The following RABGEF1 variants were observed in gnomAD, a reference collection of about 807,000 sequenced individuals.
The protein encoded by RABGEF1 is RAB guanine nucleotide exchange factor 1.
Under a neutral mutation model 57.3 loss-of-function variants are expected in RABGEF1, and 26 were observed. The observed-to-expected ratio is 0.45, with a 90% CI of 0.33 to 0.63. The LOEUF (loss-of-function observed/expected upper bound fraction) is 0.63. RABGEF1 is among the 20% of genes least tolerant of loss of function. The pLI is 0.02. For synonymous variants in RABGEF1, 185 were observed against 210.7 expected, an observed-to-expected ratio of 0.88 and a Z score of 1.06; for missense variants, 464 against 607.6, an observed-to-expected ratio of 0.76 and a Z score of 2.48.
At chr7:66,774,764 A>G (rs537479407) in intron 2 of RABGEF1, among the ~76,000 whole-genome samples, 1 of 152,126 alleles carries the variant, frequency 6.6e-6, no homozygotes, top group Non-Finnish European at 1.5e-5. Context: ...TGTCTCAAAA[A>G]CAACCAAAAA....
At chr7:66,662,472 A>G in the RABGEF1 span, among the ~76,000 whole-genome samples, 1 of 152,176 alleles carries the variant, frequency 6.6e-6, no homozygotes, top group African/African-American at 2.4e-5. Flanking sequence ...AGACCCTGAG[A>G]AACTTCTACC....
At chr7:66,768,078 C>T (rs562849408) in intron 1 of RABGEF1, among the ~76,000 whole-genome samples, 4 of 152,226 alleles carry the variant, frequency 2.6e-5, no homozygotes, top group Non-Finnish European at 4.4e-5. Flanking sequence ...TAACCGTTTG[C>T]GTATAGAATT....
At chr7:66,694,028 C>T (rs981714707) in intron 1 of RABGEF1, among the ~76,000 whole-genome samples, 4 of 152,092 alleles carry the variant, frequency 2.6e-5, no homozygotes, top group Non-Finnish European at 5.9e-5. Flanking sequence ...AGGCTGGTCT[C>T]GAACTCCTGG....
chr7:66,790,831 T>TA (rs1812478587), intron 4 of RABGEF1, among the ~76,000 whole-genome samples: 1 of 152,210 alleles, frequency 6.6e-6, no homozygotes, highest in South Asian at 2.1e-4. Context: ...ACTTACTTAG[T>TA]AAAAAAGGCC....
intron 1 of RABGEF1, among the ~76,000 whole-genome samples, chr7:66,699,220 T>A (rs1027542168): frequency 1.3e-5 from 2 of 152,180 alleles, no homozygotes; most frequent in Non-Finnish European, 2.9e-5. Flanking sequence ...TAGGGACCCA[T>A]GTCCAGCCCA....
chr7:66,766,719 T>TTATTTATG, intron 1 of RABGEF1, among the ~76,000 whole-genome samples: 1 of 151,612 alleles, frequency 6.6e-6, no homozygotes, highest in Admixed American at 6.6e-5. Flanking sequence ...TCTTATTTAT[T>TTATTTATG]TATTTATTTA....
At chr7:66,774,769 CA>C (rs71526576) in intron 2 of RABGEF1, among the ~76,000 whole-genome samples, 19 of 151,940 alleles carry the variant, frequency 1.3e-4, no homozygotes, top group Non-Finnish European at 2.5e-4. Flanking sequence ...CAAAAACAAC[CA>C]AAAAAAGGAT....
chr7:66,735,627 G>A (rs959819855), intron 2 of RABGEF1, among the ~76,000 whole-genome samples: 2 of 152,160 alleles, frequency 1.3e-5, no homozygotes, highest in Non-Finnish European at 1.5e-5. Context: ...TGCTGTTCTC[G>A]TGATGGTGAG....
intron 4 of RABGEF1, among the ~76,000 whole-genome samples, chr7:66,784,227 G>GT (rs993241713): frequency 2.6e-5 from 4 of 152,164 alleles, no homozygotes; most frequent in Non-Finnish European, 5.9e-5. Context: ...ATTCTGTTTT[G>GT]TTTTTTGTAT....
intron 1 of RABGEF1, among the ~76,000 whole-genome samples, chr7:66,693,155 G>GGA (rs1024864968): frequency 3.3e-5 from 5 of 152,108 alleles, no homozygotes; most frequent in African/African-American, 9.7e-5. Context: ...GGTGTAAGGG[G>GGA]GAGATTCGGG....
rs1451945459 is a variant in RABGEF1 at position 66,741,596 on chromosome 7, G to A, written c.-18+804G>A. On this transcript the variant is annotated intron_variant, in intron 1 of 8. Transcript: ENST00000284957. ...TGGGCTCGTTTTGCCTTTGAGATTA[G>A]GTAGGAAATTTTCCCAGGACGAGTT... is the stretch of plus-strand genomic sequence containing the variant. 3.9e-5 allele frequency among the ~76,000 whole-genome samples: 6 copies of A among 152,302 alleles called. No individual in the cohort carries two copies. The East Asian group carries it at 5.8e-4, about 15-fold the overall frequency.
chr7:66,678,522 G>A (rs1252925991), upstream of RABGEF1, among the ~76,000 whole-genome samples: 4 of 133,054 alleles, frequency 3.0e-5, no homozygotes, highest in Non-Finnish European at 4.6e-5. Context: ...CCGAGATGGC[G>A]CCACTGCACT....
chr7:66,677,578 T>C (rs1008644372), upstream of RABGEF1, among the ~76,000 whole-genome samples: 21 of 151,582 alleles, frequency 1.4e-4, no homozygotes, highest in African/African-American at 4.4e-4. Context: ...CTGGCTAACA[T>C]GGTGAAACCC....
At chr7:66,754,874 T>A (rs990772607) in intron 1 of RABGEF1, among the ~76,000 whole-genome samples, 1 of 152,100 alleles carries the variant, frequency 6.6e-6, no homozygotes, top group Non-Finnish European at 1.5e-5. Context: ...ATGATATGCC[T>A]TTGAGAAAAA....
the RABGEF1 span, among the ~76,000 whole-genome samples, chr7:66,657,968 G>A: frequency 6.6e-6 from 1 of 152,020 alleles, no homozygotes; most frequent in South Asian, 2.1e-4. Flanking sequence ...AATAAATAAA[G>A]GAAATTAAGA....
chr7:66,701,635 A>G (rs1173263750), intron 1 of RABGEF1, among the ~76,000 whole-genome samples: 1 of 151,686 alleles, frequency 6.6e-6, no homozygotes, highest in African/African-American at 2.4e-5. Context: ...CAGCCACCCA[A>G]GTAGCTGGGA....
intron 6 of RABGEF1, among the ~76,000 whole-genome samples, chr7:66,798,791 CTG>C (rs1786624852): frequency 2.0e-5 from 3 of 152,272 alleles, no homozygotes; most frequent in Admixed American, 6.5e-5. Context: ...GGGTGAAACC[CTG>C]TCTCGTAAAA....
At chr7:66,685,164 T>C (rs1790411045) in intron 1 of RABGEF1, among the ~76,000 whole-genome samples, 1 of 147,396 alleles carries the variant, frequency 6.8e-6, no homozygotes, top group African/African-American at 2.5e-5. Context: ...TTTTTTTTTT[T>C]TTTTTTTTTG....
At chr7:66,686,908 G>A (rs1289806794) in intron 1 of RABGEF1, among the ~76,000 whole-genome samples, 9 of 150,988 alleles carry the variant, frequency 6.0e-5, no homozygotes, top group Non-Finnish European at 1.2e-4. Context: ...TGCAAGCTCC[G>A]CCTCCCGGGT....
Sources: allele counts gnomAD v4.1 joint callset (sites outside exome capture counted in the v4.1 genomes callset), GRCh38; gene constraint gnomAD v4.1.1; transcripts MANE v1.5; gene names NCBI Gene and HGNC (gene_info 2026-07-23, HGNC 2026-07-21).